DPM1: variants seen among roughly 807,000 people sequenced by gnomAD.
DPM1 encodes the protein dolichyl-phosphate mannosyltransferase subunit 1, catalytic, also known as dolichol-phosphate mannosyltransferase subunit 1.
A neutral mutation model predicts 39.0 loss-of-function variants in DPM1; 27 were observed. The observed-to-expected ratio is 0.69, with a 90% CI of 0.51 to 0.95. The LOEUF (loss-of-function observed/expected upper bound fraction) is 0.95, where lower values mean the gene tolerates loss of function less well. Among genes scored for constraint, DPM1 ranks in the 40% least tolerant of loss-of-function variants. DPM1 has a pLI of 0.00. For missense variants in DPM1, 307 were observed against 315.6 expected (o/e 0.97, Z 0.21); for synonymous variants, 124 against 109.0 (o/e 1.14, Z -0.86).
At chr20:50,947,678 G>C (rs769527680) in intron 3 of DPM1, among the ~76,000 whole-genome samples, 6 of 152,174 alleles carry the variant, frequency 3.9e-5, no homozygotes, top group Non-Finnish European at 8.8e-5. Flanking sequence ...CACTAGGCTG[G>C]AGTGCAGTGG....
chr20:50,946,003 G>T, intron 3 of DPM1, 80 bp from the exon 4 acceptor site: 2 of 1,230,146 alleles, frequency 1.6e-6, no homozygotes, highest in Non-Finnish European at 1.2e-6. Context: ...AAATTGTTTA[G>T]CACCTGAAGA....
chr20:50,950,646 A>C (rs563449150), intron 2 of DPM1, among the ~76,000 whole-genome samples: 2 of 152,280 alleles, frequency 1.3e-5, no homozygotes, highest in African/African-American at 4.8e-5. Flanking sequence ...AGGCGGGTGA[A>C]TCATTTGAGG....
chr20:50,946,270 TCC>T (rs1238461195), intron 3 of DPM1, among the ~76,000 whole-genome samples: 1 of 152,200 alleles, frequency 6.6e-6, no homozygotes, highest in Non-Finnish European at 1.5e-5. Flanking sequence ...TTCCTTGGCA[TCC>T]CCCTAAGACA....
At chr20:50,957,386 T>C (rs185028413) in intron 1 of DPM1, among the ~76,000 whole-genome samples, 7 of 152,350 alleles carry the variant, frequency 4.6e-5, no homozygotes, top group East Asian at 1.9e-4. Context: ...CCAGCAATCC[T>C]ACCTCGAAGA....
At chr20:50,952,643 T>G (rs1986637692) in intron 2 of DPM1, among the ~76,000 whole-genome samples, 1 of 152,200 alleles carries the variant, frequency 6.6e-6, no homozygotes, top group Non-Finnish European at 1.5e-5. Flanking sequence ...CCATTTCTAG[T>G]TTTGGTCTTA....
intron 2 of DPM1, among the ~76,000 whole-genome samples, chr20:50,954,843 GAC>G (rs1004790746): frequency 1.3e-5 from 2 of 152,108 alleles, no homozygotes; most frequent in African/African-American, 4.8e-5. Flanking sequence ...GAAAGATTAA[GAC>G]ACACACACAC....
At chr20:50,939,130 C>CT (rs1985481248) in intron 7 of DPM1, among the ~76,000 whole-genome samples, 1 of 152,218 alleles carries the variant, frequency 6.6e-6, no homozygotes, top group African/African-American at 2.4e-5. Flanking sequence ...ATCCCCTCCA[C>CT]TAATCCTTGT....
At chr20:50,939,366 T>G (rs564366490) in intron 7 of DPM1, among the ~76,000 whole-genome samples, 19 of 150,032 alleles carry the variant, frequency 1.3e-4, no homozygotes, top group African/African-American at 3.4e-4. Context: ...ATCTTTTTTG[T>G]TTTTTTTTGT....
At chr20:50,946,784 A>G (rs1986311264) in intron 3 of DPM1, among the ~76,000 whole-genome samples, 1 of 152,192 alleles carries the variant, frequency 6.6e-6, no homozygotes, top group Non-Finnish European at 1.5e-5. Context: ...TTAAGAAGTG[A>G]ATATCGGCTG....
chr20:50,948,224 C>T (rs978132381), intron 3 of DPM1, among the ~76,000 whole-genome samples: 1 of 152,182 alleles, frequency 6.6e-6, no homozygotes, highest in South Asian at 2.1e-4. Context: ...TGCCAGGCAG[C>T]CCCTGCCCCA....
chr20:50,952,046 AC>A (rs1185821406), intron 2 of DPM1, among the ~76,000 whole-genome samples: 2 of 152,076 alleles, frequency 1.3e-5, no homozygotes, highest in Non-Finnish European at 2.9e-5. Flanking sequence ...AGGAAGATGA[AC>A]CCTGGAACCA....
At chr20:50,940,741 A>G in intron 7 of DPM1, 124 bp downstream of exon 7, 1 of 816,312 alleles carries the variant, frequency 1.2e-6, no homozygotes, top group Non-Finnish European at 2.1e-6. Context: ...TAGGAATTTT[A>G]GTCTGCCTTT....
chr20:50,948,520 T>C, intron 3 of DPM1, 109 bp downstream of exon 3: 1 of 1,040,310 alleles, frequency 9.6e-7, no homozygotes, highest in South Asian at 1.3e-5. Flanking sequence ...TTAAAAACCA[T>C]CATAGGAAGT....
Position 50,958,366 on chromosome 20 carries a change from T to A in DPM1, c.158A>T (p.Glu53Val). ...IVWLLVKSFS[E>V]SGINYEIIII... ...GGAGGGAGACCTGGTGCGCTACCTC[T>A]CGGAGAAGCTTTTCACCAGCAGCCA... The change falls in exon 1 of 9, where the codon GAG (glutamate) becomes GTG (valine). Residue 53 changes from glutamate to valine, a missense_variant. By Grantham distance (121) the Glu-to-Val change is moderately radical. Transcript: ENST00000371588. The A allele has an allele frequency of 6.2e-7, 1 of 1,613,540 alleles. No individual in the cohort carries two copies. Among genetic ancestry groups the A allele is most frequent in the East Asian group, 2.2e-5 (1 of 44,868 alleles).
chr20:50,936,350 T>C (rs2123062244), intron 7 of DPM1, 88 bp from the exon 8 acceptor site: 1 of 862,634 alleles, frequency 1.2e-6, no homozygotes, highest in Non-Finnish European at 1.9e-6. Context: ...CTGGTATGTA[T>C]AAAGCCTAAA....
At chr20:50,947,778 G>C (rs184398121) in intron 3 of DPM1, among the ~76,000 whole-genome samples, 1 of 152,030 alleles carries the variant, frequency 6.6e-6, no homozygotes, top group Non-Finnish European at 1.5e-5. Context: ...ATAGATGCGC[G>C]TCACGACGCC....
At chr20:50,950,479 T>A (rs1276061157) in intron 2 of DPM1, among the ~76,000 whole-genome samples, 2 of 152,176 alleles carry the variant, frequency 1.3e-5, no homozygotes, top group Non-Finnish European at 1.5e-5. Context: ...AAAATACTGA[T>A]CCCCATCTGG....
chr20:50,942,004 T>TGG (rs1262786407), intron 6 of DPM1, 27 bp downstream of exon 6: 3 of 1,557,982 alleles, frequency 1.9e-6, no homozygotes, highest in African/African-American at 1.4e-5. Context: ...GTTATACTAA[T>TGG]AAAGAAGTTG....
In DPM1 at chr20:50,948,687, T is replaced by C. The variant is rs1445822879; in HGVS notation, c.262-25A>G. ...GCTGTAGGAATAAGAAATAGCATTT[T>C]ACACACAGAAACAGAAATCTTATCA... On this transcript the variant is annotated intron_variant, in intron 2 of 8. Coordinates refer to ENST00000371588, the MANE Select transcript of DPM1 (RefSeq NM_003859.3). 3.1e-6 allele frequency: 5 copies of C among 1,607,812 alleles called. No homozygotes were observed. In the Admixed American group the frequency reaches 8.3e-5, roughly 27 times the overall value.
Sources: gnomAD v4.1 joint callset for allele counts (sites outside exome capture counted in the v4.1 genomes callset) on GRCh38, gnomAD v4.1.1 for gene constraint, MANE v1.5 for transcripts, NCBI Gene and HGNC (gene_info 2026-07-23, HGNC 2026-07-21) for gene names.